The following ALPK1 variants were observed in gnomAD, a reference collection of about 807,000 sequenced individuals.
ALPK1 encodes alpha kinase 1, also known as alpha-protein kinase 1.
Under a neutral mutation model 120.6 loss-of-function variants are expected in ALPK1, and 110 were observed. The ratio of observed to expected loss-of-function variants is 0.91; its 90% CI spans 0.78 to 1.07. The LOEUF (loss-of-function observed/expected upper bound fraction) is 1.07. Among genes scored for constraint, ALPK1 ranks in the 50% least tolerant of loss-of-function variants. The pLI is 0.00. For missense variants in ALPK1, 1,498 were observed against 1,483.9 expected, an observed-to-expected ratio of 1.01 and a Z score of -0.16; for synonymous variants, 582 against 560.3, an observed-to-expected ratio of 1.04 and a Z score of -0.55.
Position 112,364,236 on chromosome 4 carries a change from T to C in ALPK1, c.-100-13442T>C, listed in dbSNP as rs921394322. Among the ~76,000 whole-genome samples, 6 of 151,032 alleles carry C rather than the reference T, an allele frequency of 4.0e-5. No homozygotes were observed. The South Asian group carries it at 8.3e-4, about 21-fold the overall frequency. ...CAGAGCAGAACTGAATTAAATTAAA[T>C]ATATATATTTATATACAAAAAATAA... is the stretch of plus-strand genomic sequence containing the variant. On this transcript the variant is annotated intron_variant, in intron 2 of 15. Transcript: ENST00000650871.
At chr4:112,310,430 C>T (rs906148142) in intron 1 of ALPK1, among the ~76,000 whole-genome samples, 1 of 152,046 alleles carries the variant, frequency 6.6e-6, no homozygotes, top group Non-Finnish European at 1.5e-5. Flanking sequence ...TTTAAAGAGT[C>T]CCAAAATGAA....
At chr4:112,437,708 A>C (rs1734846997) in intron 12 of ALPK1, among the ~76,000 whole-genome samples, 1 of 152,186 alleles carries the variant, frequency 6.6e-6, no homozygotes, top group Admixed American at 6.5e-5. Context: ...CTGAATGGCC[A>C]AAACCACAGC....
At chr4:112,329,693 G>C (rs1357675072) in intron 2 of ALPK1, among the ~76,000 whole-genome samples, 1 of 152,200 alleles carries the variant, frequency 6.6e-6, no homozygotes. Flanking sequence ...ATCAGAAATA[G>C]GCTCTGGAAG....
intron 1 of ALPK1, among the ~76,000 whole-genome samples, chr4:112,314,180 A>G (rs1251585196): frequency 6.6e-6 from 1 of 152,210 alleles, no homozygotes; most frequent in Non-Finnish European, 1.5e-5. Context: ...TATGGGATGC[A>G]GCTGCTGTTA....
intron 5 of ALPK1, among the ~76,000 whole-genome samples, chr4:112,421,301 C>T (rs1032973280): frequency 6.6e-6 from 1 of 152,034 alleles, no homozygotes; most frequent in Admixed American, 6.5e-5. Flanking sequence ...AAAAAAAATG[C>T]CTACATTTAT....
chr4:112,423,173 A>C (rs1320517489), intron 5 of ALPK1, among the ~76,000 whole-genome samples: 1 of 152,210 alleles, frequency 6.6e-6, no homozygotes, highest in Admixed American at 6.5e-5. Context: ...AGACAGTGAC[A>C]TTTGAGCAAA....
Position 112,432,208 on chromosome 4 carries a change from C to T in ALPK1, c.2661C>T (p.Thr887=), listed in dbSNP as rs775411736. The T allele has an allele frequency of 7.4e-6, 12 of 1,614,074 alleles. No individual in the cohort carries two copies. Among genetic ancestry groups the T allele is most frequent in the African/African-American group, 1.3e-5 (1 of 74,926 alleles). Reference sequence around the variant, plus strand: ...AGCCGCCTGGTCAGAGGGCGGAGACCCCCAATTCCTCTGTAAGCGGTAACA... The same window carrying T: ...AGCCGCCTGGTCAGAGGGCGGAGACTCCCAATTCCTCTGTAAGCGGTAACA... The part of the protein sequence containing the change: ...LRQPPGQRAE[T]PNSSVSGNIL... The change falls in exon 11 of 16, where the codon ACC becomes ACT. Residue 887 remains threonine (T), a synonymous_variant. Transcript: ENST00000650871.
chr4:112,362,500 A>G (rs1730958111), intron 2 of ALPK1, among the ~76,000 whole-genome samples: 1 of 152,186 alleles, frequency 6.6e-6, no homozygotes, highest in Non-Finnish European at 1.5e-5. Context: ...GAGCTCAAAC[A>G]CAAGGCTTTC....
intron 2 of ALPK1, among the ~76,000 whole-genome samples, chr4:112,322,603 A>G (rs917574477): frequency 6.6e-5 from 10 of 152,236 alleles, no homozygotes; most frequent in Admixed American, 6.5e-4. Flanking sequence ...GCCTTCTTGG[A>G]GTTTAAATTA....
At chr4:112,379,507 A>G (rs1342426436) in intron 3 of ALPK1, among the ~76,000 whole-genome samples, 1 of 152,198 alleles carries the variant, frequency 6.6e-6, no homozygotes, top group Non-Finnish European at 1.5e-5. Context: ...GTCCCACCCG[A>G]GCCCACCGTG....
At chr4:112,373,969 C>G (rs1420061485) in intron 2 of ALPK1, among the ~76,000 whole-genome samples, 1 of 152,182 alleles carries the variant, frequency 6.6e-6, no homozygotes, top group African/African-American at 2.4e-5. Context: ...TTGATGGTTG[C>G]TGACTGATCA....
chr4:112,310,974 T>C (rs1728377463), intron 1 of ALPK1, among the ~76,000 whole-genome samples: 1 of 152,110 alleles, frequency 6.6e-6, no homozygotes, highest in Non-Finnish European at 1.5e-5. Context: ...AGCAAAAATC[T>C]CCAGCTTTAG....
chr4:112,312,035 A>G (rs1374829041), intron 1 of ALPK1, among the ~76,000 whole-genome samples: 1 of 152,206 alleles, frequency 6.6e-6, no homozygotes, highest in East Asian at 1.9e-4. Context: ...CTAGAGGCAC[A>G]AAGACTGGTC....
intron 2 of ALPK1, among the ~76,000 whole-genome samples, chr4:112,365,331 C>T (rs1056748242): frequency 6.6e-6 from 1 of 152,148 alleles, no homozygotes; most frequent in East Asian, 1.9e-4. Flanking sequence ...ATCCAAAAAG[C>T]TTCTAGAACT....
rs1212854950 is a variant in ALPK1 at position 112,441,714 on chromosome 4, TTTGGTTA to T, written c.*506_*512del. On this transcript the variant is annotated 3_prime_UTR_variant, in exon 16 of 16. Coordinates refer to ENST00000650871, the MANE Select transcript of ALPK1 (RefSeq NM_025144.4). ...ATCAATCTTTTATTTTGTATGGCTTTTTGGTTATGTATAATACTTAGATCCTCCTTAT... is the reference window on the plus strand; with the variant it reads ...ATCAATCTTTTATTTTGTATGGCTTTTGTATAATACTTAGATCCTCCTTAT... 1 of 156,088 alleles carries T rather than the reference TTTGGTTA, an allele frequency of 6.4e-6. No individual in the cohort carries two copies. Among genetic ancestry groups the T allele is most frequent in the East Asian group, 1.9e-4 (1 of 5,330 alleles). 9.7% of individuals were successfully genotyped at this position (156,088 alleles called of 1,614,324 possible).
rs749497106 is a variant in ALPK1 at position 112,431,935 on chromosome 4, A to C, written c.2388A>C (p.Glu796Asp). ...DPEGETAEST[E>D]DAPLDFHRVL... ...AAGGAGAAACAGCAGAAAGCACTGA[A>C]GATGCACCCTTAGACTTTCACAGGG... is the stretch of plus-strand genomic sequence containing the variant. Residue 796 changes from glutamate to aspartate, a missense_variant, in exon 11 of 16, where the codon GAA becomes GAC. Coordinates refer to ENST00000650871, the MANE Select transcript of ALPK1 (RefSeq NM_025144.4). 1.2e-6 allele frequency: 2 copies of C among 1,613,980 alleles called. No homozygotes were observed. Among genetic ancestry groups the C allele is most frequent in the Non-Finnish European group, 1.7e-6 (2 of 1,180,054 alleles).
intron 2 of ALPK1, among the ~76,000 whole-genome samples, chr4:112,324,668 G>A (rs557449666): frequency 1.2e-3 from 181 of 152,048 alleles, no homozygotes; most frequent in African/African-American, 4.1e-3. Flanking sequence ...TTTTATCTAA[G>A]GTTCTCGCTA....
chr4:112,419,016 A>G (rs1253739385), intron 5 of ALPK1, among the ~76,000 whole-genome samples: 2 of 152,240 alleles, frequency 1.3e-5, no homozygotes, highest in Non-Finnish European at 2.9e-5. Context: ...AACACATAGA[A>G]TACTCCAAGA....
At chr4:112,301,062 C>A (rs1475423603) in intron 1 of ALPK1, among the ~76,000 whole-genome samples, 1 of 152,060 alleles carries the variant, frequency 6.6e-6, no homozygotes, top group Non-Finnish European at 1.5e-5. Context: ...TTTAGAACCT[C>A]ATCATGTGTC....
Sources: gnomAD v4.1 joint callset for allele counts (sites outside exome capture counted in the v4.1 genomes callset) on GRCh38, gnomAD v4.1.1 for gene constraint, MANE v1.5 for transcripts, NCBI Gene and HGNC (gene_info 2026-07-23, HGNC 2026-07-21) for gene names.